WDR76: variants seen among roughly 807,000 people sequenced by gnomAD.
WDR76 encodes the protein WD repeat-containing protein 76.
A neutral mutation model predicts 70.2 loss-of-function variants in WDR76; 52 were observed. The ratio of observed to expected loss-of-function variants is 0.74; its 90% CI spans 0.59 to 0.93. The LOEUF is 0.93. Ranked by LOEUF, WDR76 falls within the 40% of genes least tolerant of loss-of-function variation. The pLI is 0.00. For missense variants in WDR76, 756 were observed against 760.2 expected, an observed-to-expected ratio of 0.99 and a Z score of 0.07; for synonymous variants, 292 against 271.1, an observed-to-expected ratio of 1.08 and a Z score of -0.76.
At chr15:43,851,338 T>C (rs971021114) in intron 9 of WDR76, 93 bp downstream of exon 9, 1 of 1,521,186 alleles carries the variant, frequency 6.6e-7, no homozygotes, top group Non-Finnish European at 8.9e-7. Context: ...TTGGGAGAAG[T>C]GGTATAGCAG....
Position 43,839,719 on chromosome 15 carries a change from A to T in WDR76, c.723A>T (p.Ala241=). The change falls in exon 5 of 13, where the codon GCA becomes GCT. Residue 241 remains alanine, a synonymous_variant. Transcript: ENST00000263795. ...CTCCAACACCGCCGACATTAGTAGC[A>T]GATGAAACTGTAAGGAAATGTGCAA... ...PAAPTPPTLV[A]DETPLLPPGP... The T allele has an allele frequency of 1.2e-6, 2 of 1,605,090 alleles. No individual in the cohort carries two copies. The highest frequency in any genetic ancestry group is 8.5e-7 in the Non-Finnish European group (1 of 1,175,934).
intron 2 of WDR76, among the ~76,000 whole-genome samples, chr15:43,831,025 G>T (rs1292097946): frequency 6.6e-6 from 1 of 151,964 alleles, no homozygotes; most frequent in Non-Finnish European, 1.5e-5. Context: ...ACCAGCCTGG[G>T]CGACAGAGCG....
chr15:43,839,525 C>T lies in WDR76; in HGVS notation c.609-80C>T, dbSNP rs1042572973. Reference sequence around the variant, plus strand: ...ATAAATATATCTGTGGTATATATTCCTAGAAGTTATCTCTTTAGTATTAGT... The same window carrying T: ...ATAAATATATCTGTGGTATATATTCTTAGAAGTTATCTCTTTAGTATTAGT... On this transcript the variant is annotated intron_variant, in intron 4 of 12. Transcript: ENST00000263795. 4 of 1,407,796 alleles carry T rather than the reference C, an allele frequency of 2.8e-6. No individual in the cohort carries two copies. In the African/African-American group the frequency reaches 4.4e-5, roughly 15 times the overall value. The allele number at this position is 1,407,796 out of a possible 1,614,324, so 87.2% of individuals were successfully genotyped here.
intron 9 of WDR76, among the ~76,000 whole-genome samples, chr15:43,853,081 GT>G: frequency 6.6e-6 from 1 of 152,104 alleles, no homozygotes; most frequent in Non-Finnish European, 1.5e-5. Context: ...TAGAGACAGG[GT>G]TTCCCCATGT....
At chr15:43,865,791 A>G (rs2088062962) in intron 12 of WDR76, among the ~76,000 whole-genome samples, 1 of 152,246 alleles carries the variant, frequency 6.6e-6, no homozygotes, top group Non-Finnish European at 1.5e-5. Context: ...TTTAAGTGGC[A>G]GTGGGAAATG....
Position 43,851,167 on chromosome 15 carries a change from C to T in WDR76, c.1113C>T (p.Ala371=). 2 of 1,614,178 alleles carry T rather than the reference C, an allele frequency of 1.2e-6. No homozygotes were observed. Among genetic ancestry groups the T allele is most frequent in the Non-Finnish European group, 8.5e-7 (1 of 1,180,040 alleles). The change falls in exon 9 of 13, where the codon GCC becomes GCT. Residue 371 remains alanine, a synonymous_variant. Coordinates refer to ENST00000263795, the MANE Select transcript of WDR76 (RefSeq NM_024908.4). The part of the protein sequence containing the change: ...QPVSCLYFSP[A]NPAHILSLSY... ...TTAGCTGTCTTTACTTCTCACCCGC[C>T]AATCCGGCCCACATACTGTCACTGA... is the stretch of plus-strand genomic sequence containing the variant.
At chr15:43,856,391 G>T (rs2087927288) in intron 9 of WDR76, among the ~76,000 whole-genome samples, 2 of 152,042 alleles carry the variant, frequency 1.3e-5, no homozygotes, top group African/African-American at 4.8e-5. Context: ...TCTTGGACTT[G>T]GTTGGCAAAG....
At chr15:43,844,139 A>T in intron 8 of WDR76, 85 bp downstream of exon 8, 1 of 1,278,372 alleles carries the variant, frequency 7.8e-7, no homozygotes. Flanking sequence ...ATGTGTTTAT[A>T]AATGTTGCGT....
intron 11 of WDR76, among the ~76,000 whole-genome samples, chr15:43,860,205 A>G (rs1337634493): frequency 6.6e-6 from 1 of 152,198 alleles, no homozygotes; most frequent in African/African-American, 2.4e-5. Context: ...TGACGGTGCC[A>G]TTGCACTTCA....
rs772540275 is a variant in WDR76 at position 43,851,070 on chromosome 15, C to G, written c.1033-17C>G. 7.4e-6 allele frequency: 12 copies of G among 1,611,662 alleles called. No homozygotes were observed. In the South Asian group the frequency reaches 1.3e-4, roughly 18 times the overall value. On this transcript the variant is annotated splice_polypyrimidine_tract_variant and intron_variant, in intron 8 of 12. Coordinates refer to ENST00000263795, the MANE Select transcript of WDR76 (RefSeq NM_024908.4). ...CTAGTTTTTTTCTCTCTCCCCTTTCCCGCAACTCTCTTCCAGACCCAGCAA... is the reference window on the plus strand; with the variant it reads ...CTAGTTTTTTTCTCTCTCCCCTTTCGCGCAACTCTCTTCCAGACCCAGCAA...
intron 2 of WDR76, among the ~76,000 whole-genome samples, chr15:43,832,654 T>C (rs1300412886): frequency 6.6e-6 from 1 of 150,958 alleles, no homozygotes; most frequent in Non-Finnish European, 1.5e-5. Context: ...CCATGGTGGC[T>C]AGGCTGGTCT....
At chr15:43,851,587 T>C (rs769440848) in intron 9 of WDR76, among the ~76,000 whole-genome samples, 2 of 152,218 alleles carry the variant, frequency 1.3e-5, no homozygotes, top group African/African-American at 4.8e-5. Context: ...TCTTTTTTTT[T>C]TCTCTCCCAA....
At chr15:43,831,819 T>A (rs1041232938) in intron 2 of WDR76, among the ~76,000 whole-genome samples, 1 of 152,134 alleles carries the variant, frequency 6.6e-6, no homozygotes, top group Non-Finnish European at 1.5e-5. Context: ...GCAAATACTT[T>A]GCATATCAGA....
intron 2 of WDR76, among the ~76,000 whole-genome samples, chr15:43,834,021 G>C (rs1395926801): frequency 6.6e-6 from 1 of 152,136 alleles, no homozygotes; most frequent in Non-Finnish European, 1.5e-5. Flanking sequence ...GGACCTCTAA[G>C]ACTGAGTATT....
chr15:43,835,970 T>C (rs532334087), intron 3 of WDR76, among the ~76,000 whole-genome samples, 191 bp from the exon 4 acceptor site: 1 of 152,118 alleles, frequency 6.6e-6, no homozygotes, highest in East Asian at 1.9e-4. Context: ...CTTTTTTTTT[T>C]TTGAGACAGG....
chr15:43,837,517 T>A (rs899813869), intron 4 of WDR76, among the ~76,000 whole-genome samples: 4 of 152,116 alleles, frequency 2.6e-5, no homozygotes, highest in Non-Finnish European at 4.4e-5. Flanking sequence ...GTATGGAAGT[T>A]GTGTAATGTA....
In WDR76 at chr15:43,842,415, C is replaced by G; in HGVS notation, c.733C>G (p.Pro245Ala). Residue 245 changes from proline (P) to alanine (A), a missense_variant and splice_region_variant, in exon 6 of 13, where the codon CCT becomes GCT. Physicochemically the swap from Pro to Ala is conservative, Grantham distance 27. Coordinates refer to ENST00000263795, the MANE Select transcript of WDR76 (RefSeq NM_024908.4). Reference protein sequence around the residue: ...TPPTLVADETPLLPPGPLEMT... With the variant: ...TPPTLVADETALLPPGPLEMT... ...AATAACTTTTTATTTTTTATAACAG[C>G]CTTTGTTACCTCCTGGGCCTTTAGA... The G allele has an allele frequency of 6.2e-7, 1 of 1,612,234 alleles. No homozygotes were observed. The highest frequency in any genetic ancestry group is 1.1e-5 in the South Asian group (1 of 90,674).
intron 7 of WDR76, 52 bp downstream of exon 7, chr15:43,842,723 A>G: frequency 6.6e-7 from 1 of 1,524,404 alleles, no homozygotes; most frequent in Non-Finnish European, 9.0e-7. Flanking sequence ...TGTTTGAGTT[A>G]TAAAGACTAT....
intron 9 of WDR76, 140 bp from the exon 10 acceptor site, chr15:43,856,806 G>A: frequency 1.5e-6 from 1 of 682,396 alleles, no homozygotes; most frequent in South Asian, 2.0e-5. Context: ...ATTATGTCCT[G>A]TGCATCTGAT....
Sources: allele counts gnomAD v4.1 joint callset (sites outside exome capture counted in the v4.1 genomes callset), GRCh38; gene constraint gnomAD v4.1.1; transcripts MANE v1.5; gene names NCBI Gene and HGNC (gene_info 2026-07-23, HGNC 2026-07-21).